Variants in ESPNL observed in about 807,000 individuals in gnomAD.
ESPNL encodes the protein espin-like protein.
A neutral mutation model predicts 46.8 loss-of-function variants in ESPNL; 49 were observed. The ratio of observed to expected loss-of-function variants is 1.05; its 90% CI spans 0.83 to 1.33. ESPNL has a LOEUF of 1.33. ESPNL is among the 40% of genes most tolerant of loss of function. The pLI is 0.00. For missense variants in ESPNL, 1,540 were observed against 1,436.6 expected (o/e 1.07, Z -1.16); for synonymous variants, 664 against 662.1 (o/e 1.00, Z -0.04).
intron 4 of ESPNL, among the ~76,000 whole-genome samples, chr2:238,111,564 G>A (rs184449435): frequency 2.6e-5 from 4 of 152,296 alleles, no homozygotes; most frequent in Admixed American, 1.3e-4. Context: ...CTCTGGCTTA[G>A]TTCACTTAGC....
At chr2:238,127,502 G>A (rs905945529) in intron 6 of ESPNL, 120 bp from the exon 7 acceptor site, 17 of 1,432,710 alleles carry the variant, frequency 1.2e-5, no homozygotes, top group Non-Finnish European at 1.5e-5. Flanking sequence ...GCTGGGGTCA[G>A]CTCCCAGCTC....
chr2:238,112,408 T>C (rs1691732853), intron 4 of ESPNL, among the ~76,000 whole-genome samples: 1 of 152,150 alleles, frequency 6.6e-6, no homozygotes, highest in South Asian at 2.1e-4. Flanking sequence ...TCTTTTTTTG[T>C]CTCAATCAGC....
Position 238,128,778 on chromosome 2 carries a change from AGGC to A in ESPNL, c.1289_1291del (p.Gly430del), listed in dbSNP as rs779052998. 4.4e-6 allele frequency: 7 copies of A among 1,584,608 alleles called. No individual in the cohort carries two copies. The East Asian group carries it at 1.6e-4, about 37-fold the overall frequency. On this transcript the variant is annotated inframe_deletion, in exon 8 of 9. Transcript: ENST00000343063. ...CACTACAGCTGGATGGGCTGCCCTC[AGGC>A]GACATCGACGGGCTGGTGCCCACGC...
chr2:238,131,399 G>C lies in ESPNL; in HGVS notation c.2685G>C (p.Glu895Asp), dbSNP rs1692332235. ...VFEHLGTHGWEAVRAFHKAVT... is the reference protein window; with the variant it reads ...VFEHLGTHGWDAVRAFHKAVT... Reference sequence around the variant, plus strand: ...AGCACCTGGGCACCCACGGCTGGGAGGCTGTGCGCGCCTTCCACAAGGCCG... The same window carrying C: ...AGCACCTGGGCACCCACGGCTGGGACGCTGTGCGCGCCTTCCACAAGGCCG... Residue 895 changes from glutamate (E) to aspartate (D), a missense_variant, in exon 9 of 9, where the codon GAG becomes GAC. Physicochemically the swap from Glu to Asp is conservative, Grantham distance 45 (BLOSUM62 2). Coordinates refer to ENST00000343063, the MANE Select transcript of ESPNL (RefSeq NM_194312.4). 2 of 1,607,172 alleles carry C rather than the reference G, an allele frequency of 1.2e-6. No homozygotes were observed. The highest frequency in any genetic ancestry group is 2.7e-5 in the African/African-American group (2 of 74,854).
intron 5 of ESPNL, 71 bp from the exon 6 acceptor site, chr2:238,125,199 C>T (rs535437952): frequency 3.0e-6 from 2 of 674,698 alleles, no homozygotes; most frequent in African/African-American, 3.8e-5. Flanking sequence ...ACTGGGTGCC[C>T]CTGCCCCTGT....
chr2:238,120,232 C>A (rs1559264312), intron 5 of ESPNL, among the ~76,000 whole-genome samples: 1 of 152,190 alleles, frequency 6.6e-6, no homozygotes, highest in Non-Finnish European at 1.5e-5. Context: ...TGCCGGCTGC[C>A]TGGGTCTCCC....
At position 238,107,801 on chromosome 2, in the gene ESPNL, C is replaced by G; in HGVS notation, c.683C>G (p.Thr228Ser). The change falls in exon 4 of 9, where the codon ACC becomes AGC. Residue 228 changes from threonine (T) to serine (S), a missense_variant. Physicochemically the swap from Thr to Ser is moderately conservative, Grantham distance 58. Coordinates refer to ENST00000343063, the MANE Select transcript of ESPNL (RefSeq NM_194312.4). ...YSLVVWLVTF[T>S]DIGLTARDNE... Reference sequence around the variant, plus strand: ...CCCCTCCTTCCCCAGGTCACATTCACCGACATCGGACTCACGGCACGGGAC... The same window carrying G: ...CCCCTCCTTCCCCAGGTCACATTCAGCGACATCGGACTCACGGCACGGGAC... 6.3e-7 allele frequency: 1 copy of G among 1,591,378 alleles called. No homozygotes were observed. The highest frequency in any genetic ancestry group is 8.6e-7 in the Non-Finnish European group (1 of 1,168,996).
rs1159758148 is a variant in ESPNL at position 238,119,484 on chromosome 2, T to C, written c.987+2450T>C. On this transcript the variant is annotated intron_variant, in intron 5 of 8. Transcript: ENST00000343063. ...ATGAAGGAGGAATGGATGGAGGAGG[T>C]GGATGGAGGAGGTGGATGGAGGAGG... is the stretch of plus-strand genomic sequence containing the variant. Among the ~76,000 whole-genome samples, 11 of 70,006 alleles carry C rather than the reference T, an allele frequency of 1.6e-4. 1 individual carries two copies. The highest frequency in any genetic ancestry group is 2.7e-4 in the Non-Finnish European group (10 of 36,826). The allele number at this position is 70,006 out of a possible 152,430, so 45.9% of individuals were successfully genotyped here.
rs11897736 is a variant in ESPNL at position 238,117,004 on chromosome 2, C to T, written c.957C>T (p.Cys319=). Residue 319 remains cysteine (C), a synonymous_variant, in exon 5 of 9, where the codon TGC becomes TGT. Transcript: ENST00000343063. ...DLAEYHGHRD[C]AQYLREVAQP... The stretch of plus-strand genomic sequence containing the variant: ...CGGAGTACCATGGACACCGGGACTG[C>T]GCCCAGTACCTGCGGGAGGTGGCCC... 0.16 allele frequency: 264,706 copies of T among 1,611,192 alleles called. 22,860 individuals carry two copies. The highest frequency in any genetic ancestry group is 0.27 in the African/African-American group (20,164 of 74,984).
chr2:238,113,595 G>C (rs1335019391), intron 4 of ESPNL, among the ~76,000 whole-genome samples: 1 of 152,152 alleles, frequency 6.6e-6, no homozygotes, highest in Non-Finnish European at 1.5e-5. Flanking sequence ...ATAACTGGAG[G>C]CCTTAGCAAT....
In ESPNL at chr2:238,130,838, A is replaced by G. The variant is rs1559270053; in HGVS notation, c.2124A>G (p.Thr708=). 1 of 1,549,726 alleles carries G rather than the reference A, an allele frequency of 6.5e-7. No homozygotes were observed. The highest frequency in any genetic ancestry group is 1.2e-5 in the South Asian group (1 of 84,804). Residue 708 remains threonine (T), a synonymous_variant, in exon 9 of 9, where the codon ACA becomes ACG. Transcript: ENST00000343063. ...CAGGGGAGCCCAGGCCTGGCGACAC[A>G]GAGGAGGCCAGCGACTCTGGCATCA... ...LASGEPRPGD[T]EEASDSGISC...
intron 4 of ESPNL, among the ~76,000 whole-genome samples, 176 bp from the exon 5 acceptor site, chr2:238,116,727 G>A (rs1691822049): frequency 1.3e-5 from 2 of 152,078 alleles, no homozygotes; most frequent in African/African-American, 2.4e-5. Context: ...GATGAGGCTC[G>A]GGGGCTCCTA....
At chr2:238,127,788 T>G in intron 7 of ESPNL, 54 bp downstream of exon 7, 4 of 1,367,048 alleles carry the variant, frequency 2.9e-6, no homozygotes, top group Non-Finnish European at 4.1e-6. Flanking sequence ...CCAGCCTCCA[T>G]TCCCATCCTC....
At chr2:238,118,773 AGG>A (rs1691894503) in intron 5 of ESPNL, among the ~76,000 whole-genome samples, 1 of 45,366 alleles carries the variant, frequency 2.2e-5, no homozygotes, top group Non-Finnish European at 3.8e-5. Context: ...GGGTGGATGG[AGG>A]AGGGGAGATG....
chr2:238,119,077 G>A (rs1297108624), intron 5 of ESPNL, among the ~76,000 whole-genome samples: 1 of 100,290 alleles, frequency 1.0e-5, no homozygotes, highest in Non-Finnish European at 2.1e-5. Context: ...ATGGAAGAGG[G>A]TGAATGGAGG....
chr2:238,100,347 G>A lies in ESPNL; in HGVS notation c.-73G>A. Reference sequence around the variant, plus strand: ...GCAGCTTATCGGGTAACCAGAGCCGGCAGCTTCATCCACGTCTGAAACAGG... The same window carrying A: ...GCAGCTTATCGGGTAACCAGAGCCGACAGCTTCATCCACGTCTGAAACAGG... On this transcript the variant is annotated 5_prime_UTR_variant, in exon 1 of 9. Coordinates refer to ENST00000343063, the MANE Select transcript of ESPNL (RefSeq NM_194312.4). 1 of 1,230,348 alleles carries A rather than the reference G, an allele frequency of 8.1e-7. No homozygotes were observed. Among genetic ancestry groups the A allele is most frequent in the South Asian group, 1.5e-5 (1 of 67,512 alleles). The allele number at this position is 1,230,348 out of a possible 1,614,324, so 76.2% of individuals were successfully genotyped here.
At position 238,131,515 on chromosome 2, in the gene ESPNL, C is replaced by T; in HGVS notation, c.2801C>T (p.Ala934Val). 1 of 1,611,658 alleles carries T rather than the reference C, an allele frequency of 6.2e-7. No homozygotes were observed. The highest frequency in any genetic ancestry group is 8.5e-7 in the Non-Finnish European group (1 of 1,179,388). Reference sequence around the variant, plus strand: ...TTCTTTGGCTCCAGCCAGCGTCCCGCCTGGGATACGGAGCCTGGCCGCAAG... The same window carrying T: ...TTCTTTGGCTCCAGCCAGCGTCCCGTCTGGGATACGGAGCCTGGCCGCAAG... ...ARFFGSSQRP[A>V]WDTEPGRKSG... The change falls in exon 9 of 9, where the codon GCC becomes GTC. Residue 934 changes from alanine to valine, a missense_variant. Transcript: ENST00000343063.
In ESPNL at chr2:238,130,889, G is replaced by T. The variant is rs115923307; in HGVS notation, c.2175G>T (p.Ala725=). The change falls in exon 9 of 9, where the codon GCG becomes GCT. Residue 725 remains alanine, a synonymous_variant. Transcript: ENST00000343063. ...GISCEEVPSE[A]GAAAGPDLAS... is the part of the protein sequence containing the mutation. Reference sequence around the variant, plus strand: ...GCTGCGAGGAGGTGCCATCAGAGGCGGGTGCCGCAGCCGGCCCAGACCTGG... The same window carrying T: ...GCTGCGAGGAGGTGCCATCAGAGGCTGGTGCCGCAGCCGGCCCAGACCTGG... 6.5e-7 allele frequency: 1 copy of T among 1,547,500 alleles called. No homozygotes were observed. The highest frequency in any genetic ancestry group is 2.4e-5 in the East Asian group (1 of 41,454).
intron 4 of ESPNL, among the ~76,000 whole-genome samples, chr2:238,112,917 A>G (rs1367067185): frequency 6.6e-6 from 1 of 152,182 alleles, no homozygotes; most frequent in Non-Finnish European, 1.5e-5. Flanking sequence ...AATTTTTATC[A>G]ACGTTGCATA....
Sources: allele counts gnomAD v4.1 joint callset (sites outside exome capture counted in the v4.1 genomes callset), GRCh38; gene constraint gnomAD v4.1.1; transcripts MANE v1.5; gene names NCBI Gene and HGNC (gene_info 2026-07-23, HGNC 2026-07-21).